Variants in C17orf78 observed in about 807,000 individuals in gnomAD.
C17orf78 encodes the protein uncharacterized protein C17orf78.
C17orf78 carries 27 observed loss-of-function variants against 31.8 expected under a neutral mutation model. That is an observed-to-expected ratio of 0.85 (90% CI 0.63 to 1.17). C17orf78 has a LOEUF of 1.17. Ranked by LOEUF, C17orf78 falls within the 50% of genes most tolerant of loss-of-function variation. The probability of loss-of-function intolerance (pLI) is 0.00; values close to 1 mark genes in which losing one functional copy is unlikely to be tolerated. For missense variants in C17orf78, 258 were observed against 315.2 expected, an observed-to-expected ratio of 0.82 and a Z score of 1.37; for synonymous variants, 106 against 115.1, an observed-to-expected ratio of 0.92 and a Z score of 0.51.
In C17orf78 at chr17:37,376,071, A is replaced by G. The variant is rs2049989345; in HGVS notation, c.-22A>G. ...ACAGATGAGCAGTGGTCTGTCTGCA[A>G]TGAGCATGTGCTCAAGCTAACATGG... On this transcript the variant is annotated 5_prime_UTR_variant, in exon 1 of 7. It removes an upstream start codon present in the reference 5' UTR. Transcript: ENST00000615133. The G allele has an allele frequency of 1.9e-6, 3 of 1,603,520 alleles. No individual in the cohort carries two copies. Among genetic ancestry groups the G allele is most frequent in the African/African-American group, 1.3e-5 (1 of 74,840 alleles).
At chr17:37,376,665 CT>C (rs1447161559) in intron 1 of C17orf78, among the ~76,000 whole-genome samples, 5 of 152,086 alleles carry the variant, frequency 3.3e-5, no homozygotes, top group African/African-American at 1.2e-4. Flanking sequence ...CTAAAATTAG[CT>C]AATCAAGGCT....
At chr17:37,390,304 T>TTATCTA (rs2050788326) in intron 6 of C17orf78, among the ~76,000 whole-genome samples, 1 of 17,988 alleles carries the variant, frequency 5.6e-5, no homozygotes, top group Non-Finnish European at 8.1e-5. Context: ...TTATACATAA[T>TTATCTA]TATATATATA....
chr17:37,383,993 C>T (rs1438886747), intron 3 of C17orf78, among the ~76,000 whole-genome samples: 2 of 152,118 alleles, frequency 1.3e-5, no homozygotes, highest in East Asian at 1.9e-4. Context: ...GAGCCGGGCG[C>T]GGTGTCTCAT....
At chr17:37,378,006 C>A in intron 2 of C17orf78, 41 bp downstream of exon 2, 1 of 1,573,400 alleles carries the variant, frequency 6.4e-7, no homozygotes, top group African/African-American at 1.4e-5. Context: ...ATTGCCATTC[C>A]AAAAAATTTT....
rs2050848037 is a variant in C17orf78, at chr17:37,390,784, C to T, written c.751-863C>T. Among the ~76,000 whole-genome samples, 3 of 150,420 alleles carry T rather than the reference C, an allele frequency of 2.0e-5. No individual in the cohort carries two copies. In the South Asian group the frequency reaches 6.3e-4, roughly 32 times the overall value. Reference sequence around the variant, plus strand: ...CTCCAGCCTGGGAAAAAGGGTGAGACCCTGTGTCCAAAAAAAAAAAAAAAT... The same window carrying T: ...CTCCAGCCTGGGAAAAAGGGTGAGATCCTGTGTCCAAAAAAAAAAAAAAAT... On this transcript the variant is annotated intron_variant, in intron 6 of 6. Coordinates refer to ENST00000615133, the MANE Select transcript of C17orf78 (RefSeq NM_173625.5).
At chr17:37,385,289 T>C (rs1332452796) in intron 3 of C17orf78, among the ~76,000 whole-genome samples, 1 of 152,100 alleles carries the variant, frequency 6.6e-6, no homozygotes, top group Non-Finnish European at 1.5e-5. Flanking sequence ...CTGGCCAGCA[T>C]GGTGAAACCC....
chr17:37,388,264 T>C (rs1210407082), intron 4 of C17orf78, among the ~76,000 whole-genome samples: 2 of 152,158 alleles, frequency 1.3e-5, no homozygotes, highest in Non-Finnish European at 2.9e-5. Flanking sequence ...AGGAGAAACA[T>C]AGGAAAGGCG....
chr17:37,391,440 G>A lies in C17orf78; in HGVS notation c.751-207G>A, dbSNP rs1416587066. Reference sequence around the variant, plus strand: ...GATCTTTTAATTACTTTGCTAGTGGGTTATAGGTTCCAAGCAATTATTGGT... The same window carrying A: ...GATCTTTTAATTACTTTGCTAGTGGATTATAGGTTCCAAGCAATTATTGGT... On this transcript the variant is annotated intron_variant, in intron 6 of 6. Coordinates refer to ENST00000615133, the MANE Select transcript of C17orf78 (RefSeq NM_173625.5). Among the ~76,000 whole-genome samples, 8 of 152,128 alleles carry A rather than the reference G, an allele frequency of 5.3e-5. 1 individual carries two copies. The highest frequency in any genetic ancestry group is 5.2e-4 in the Admixed American group (8 of 15,258).
intron 6 of C17orf78, 77 bp from the exon 7 acceptor site, chr17:37,391,570 C>A: frequency 7.5e-7 from 1 of 1,329,640 alleles, no homozygotes; most frequent in Non-Finnish European, 1.1e-6. Flanking sequence ...TTGTACTTAG[C>A]CAGCCCTTTT....
intron 4 of C17orf78, 79 bp downstream of exon 4, chr17:37,386,204 C>A: frequency 2.2e-6 from 2 of 905,078 alleles, no homozygotes; most frequent in Non-Finnish European, 3.4e-6. Flanking sequence ...CATTTTTAGC[C>A]CCAGCGTTAG....
intron 3 of C17orf78, 72 bp downstream of exon 3, chr17:37,379,454 G>A (rs987504434): frequency 2.0e-5 from 30 of 1,495,354 alleles, no homozygotes; most frequent in African/African-American, 8.4e-5. Context: ...CCAGAACTCC[G>A]TAGCAGGAAA....
At chr17:37,390,197 A>T (rs1237479965) in intron 6 of C17orf78, among the ~76,000 whole-genome samples, 6 of 81,088 alleles carry the variant, frequency 7.4e-5, no homozygotes, top group Non-Finnish European at 1.3e-4. Flanking sequence ...TTATATATAA[A>T]TATATATAAT....
intron 3 of C17orf78, among the ~76,000 whole-genome samples, chr17:37,380,878 G>A (rs1252100475): frequency 6.6e-6 from 1 of 151,220 alleles, no homozygotes; most frequent in East Asian, 1.9e-4. Flanking sequence ...TTACAGGCGT[G>A]AGCCACCGTG....
intron 6 of C17orf78, among the ~76,000 whole-genome samples, 184 bp from the exon 7 acceptor site, chr17:37,391,463 G>T (rs917964475): frequency 6.6e-6 from 1 of 152,048 alleles, no homozygotes; most frequent in African/African-American, 2.4e-5. Flanking sequence ...AGCAATTATT[G>T]GTTCTCATAC....
In C17orf78 at chr17:37,381,869, T is replaced by C. The variant is rs188143307; in HGVS notation, c.391+2487T>C. On this transcript the variant is annotated intron_variant, in intron 3 of 6. Transcript: ENST00000615133. ...GTCTCGATCGCCTGACCTTGTGATC[T>C]GCCCGCCTTGGCCTCCCAAAGTGCT... 2.8e-3 allele frequency among the ~76,000 whole-genome samples: 425 copies of C among 151,580 alleles called. 2 individuals are homozygous for C. Among genetic ancestry groups the C allele is most frequent in the African/African-American group, 8.0e-3 (332 of 41,346 alleles).
chr17:37,379,470 C>T, intron 3 of C17orf78, 88 bp downstream of exon 3: 2 of 1,447,136 alleles, frequency 1.4e-6, no homozygotes, highest in Non-Finnish European at 1.9e-6. Flanking sequence ...GGAAAAGCTA[C>T]AAGAAAATGA....
At chr17:37,381,791 T>C (rs528025945) in intron 3 of C17orf78, among the ~76,000 whole-genome samples, 1,794 of 151,652 alleles carry the variant, frequency 0.012, 21 homozygotes, top group Non-Finnish European at 0.019. Flanking sequence ...CCACACCCAG[T>C]TAATTTTTTG....
intron 1 of C17orf78, 84 bp from the exon 2 acceptor site, chr17:37,377,795 G>A (rs2050071725): frequency 8.8e-7 from 1 of 1,140,654 alleles, no homozygotes; most frequent in Non-Finnish European, 1.3e-6. Flanking sequence ...CCATTGCCCA[G>A]AATTCTAAAA....
intron 1 of C17orf78, among the ~76,000 whole-genome samples, chr17:37,376,466 C>T (rs1166491849): frequency 6.6e-6 from 1 of 152,092 alleles, no homozygotes; most frequent in African/African-American, 2.4e-5. Context: ...ACCTAAGGTT[C>T]CCAAATTCAT....
Sources: gnomAD v4.1 joint callset for allele counts (sites outside exome capture counted in the v4.1 genomes callset) on GRCh38, gnomAD v4.1.1 for gene constraint, MANE v1.5 for transcripts, NCBI Gene and HGNC (gene_info 2026-07-23, HGNC 2026-07-21) for gene names.